The following A1BG variants were observed in gnomAD, a reference collection of about 807,000 sequenced individuals.
The protein encoded by A1BG is alpha-1B-glycoprotein.
Under a neutral mutation model 46.0 loss-of-function variants are expected in A1BG, and 44 were observed. The observed-to-expected ratio is 0.96, with a 90% CI of 0.75 to 1.23. The LOEUF is 1.23. Among genes scored for constraint, A1BG ranks in the 50% most tolerant of loss-of-function variants. A1BG has a pLI of 0.00. For missense variants in A1BG, 707 were observed against 688.8 expected (o/e 1.03, Z -0.30); for synonymous variants, 316 against 314.7 (o/e 1.00, Z -0.04).
rs371831204 is a variant in A1BG, at chr19:58,351,498, G to A, written c.803C>T (p.Ala268Val). 8.4e-5 allele frequency: 135 copies of A among 1,613,746 alleles called. No homozygotes were observed. The Middle Eastern group carries it at 1.6e-3, about 20-fold the overall frequency. The change falls in exon 5 of 8, where the codon GCG (alanine) becomes GTG (valine). Residue 268 changes from alanine (A) to valine (V), a missense_variant. By Grantham distance (64) the Ala-to-Val change is moderately conservative. Coordinates refer to ENST00000263100, the MANE Select transcript of A1BG (RefSeq NM_130786.4). ...SPDRIFFHLN[A>V]VALGDGGHYT... ...GTGACCTCCATCCCCCAGGGCCACC[G>A]CGTTCAGGTGAAAGAAGATGCGATC...
chr19:58,352,551 G>A lies in A1BG; in HGVS notation c.345C>T (p.Ser115=). The A allele has an allele frequency of 6.2e-7, 1 of 1,607,352 alleles. No individual in the cohort carries two copies. The highest frequency in any genetic ancestry group is 8.5e-7 in the Non-Finnish European group (1 of 1,179,464). The change falls in exon 4 of 8, where the codon TCC becomes TCT. Residue 115 remains serine, a synonymous_variant. Transcript: ENST00000263100. ...CCATCGAGAGCCAGGGAGCAGGCAAGGACTCTGTGGGTGGGGTGGAGTTGA... is the reference window on the plus strand; with the variant it reads ...CCATCGAGAGCCAGGGAGCAGGCAAAGACTCTGTGGGTGGGGTGGAGTTGA... ...SKLLELTGPK[S]LPAPWLSMAP... is the part of the protein sequence containing the mutation.
At chr19:58,347,079 C>A (rs1222894807) in intron 7 of A1BG, 50 bp from the exon 8 acceptor site, 2 of 1,608,278 alleles carry the variant, frequency 1.2e-6, no homozygotes, top group Middle Eastern at 1.7e-4. Flanking sequence ...AATCCTATGC[C>A]CTCCTCCTCG....
In A1BG at chr19:58,347,122, C is replaced by G. The variant is rs898248230; in HGVS notation, c.1481-93G>C. 1.4e-5 allele frequency: 22 copies of G among 1,520,698 alleles called. No individual in the cohort carries two copies. The East Asian group carries it at 4.8e-4, about 33-fold the overall frequency. The allele number at this position is 1,520,698 out of a possible 1,614,324, so 94.2% of individuals were successfully genotyped here. Reference sequence around the variant, plus strand: ...CAAGGCCGACCTCCCTGACGCCCCCCCGGAAGGAAGCGCGTGGTCGGCTGC... The same window carrying G: ...CAAGGCCGACCTCCCTGACGCCCCCGCGGAAGGAAGCGCGTGGTCGGCTGC... On this transcript the variant is annotated intron_variant, in intron 7 of 7. Transcript: ENST00000263100.
At position 58,346,872 on chromosome 19, in the gene A1BG, T is replaced by C. The variant is rs202132547; in HGVS notation, c.*150A>G. 2.2e-6 allele frequency: 2 copies of C among 890,986 alleles called. No individual in the cohort carries two copies. The highest frequency in any genetic ancestry group is 3.8e-6 in the Non-Finnish European group (2 of 523,934). The allele number at this position is 890,986 out of a possible 1,614,324, so 55.2% of individuals were successfully genotyped here. On this transcript the variant is annotated 3_prime_UTR_variant, in exon 8 of 8. Coordinates refer to ENST00000263100, the MANE Select transcript of A1BG (RefSeq NM_130786.4). Reference sequence around the variant, plus strand: ...AAAGACATTTTAAACAGAGCCTCTCTTCACATTTATTAATTCCTGGGAGGA... The same window carrying C: ...AAAGACATTTTAAACAGAGCCTCTCCTCACATTTATTAATTCCTGGGAGGA...
At position 58,350,406 on chromosome 19, in the gene A1BG, A is replaced by C; in HGVS notation, c.1156T>G (p.Ser386Ala). Residue 386 changes from serine (S) to alanine (A), a missense_variant, in exon 6 of 8, where the codon TCC becomes GCC. Physicochemically the swap from Ser to Ala is moderately conservative, Grantham distance 99. Coordinates refer to ENST00000263100, the MANE Select transcript of A1BG (RefSeq NM_130786.4). The part of the protein sequence containing the change: ...YVDLKPPFGG[S>A]APSERLELHV... ...AGCTCCAAGCGCTCGCTGGGCGCGG[A>C]GCCCCCGAAAGGCGGCTTCAGGTCC... The C allele has an allele frequency of 6.5e-7, 1 of 1,549,590 alleles. No homozygotes were observed. The highest frequency in any genetic ancestry group is 8.7e-7 in the Non-Finnish European group (1 of 1,146,478).
Position 58,345,756 on chromosome 19 carries a change from A to G in A1BG, c.*1266T>C, listed in dbSNP as rs1568551483. ...GGACACATCAGGCTTGAGAGAAGTG[A>G]CATCATCATAGACTGTGCAGACATT... On this transcript the variant is annotated 3_prime_UTR_variant, in exon 8 of 8. Transcript: ENST00000263100. 1 of 152,290 alleles carries G rather than the reference A, an allele frequency of 6.6e-6. No individual in the cohort carries two copies. Among genetic ancestry groups the G allele is most frequent in the African/African-American group, 2.4e-5 (1 of 41,472 alleles). The allele number at this position is 152,290 out of a possible 1,614,324, so 9.4% of individuals were successfully genotyped here.
At position 58,346,933 on chromosome 19, in the gene A1BG, G is replaced by T; in HGVS notation, c.*89C>A. 2 of 1,411,304 alleles carry T rather than the reference G, an allele frequency of 1.4e-6. No individual in the cohort carries two copies. Among genetic ancestry groups the T allele is most frequent in the Non-Finnish European group, 1.0e-6 (1 of 995,218 alleles). 87.4% of individuals were successfully genotyped at this position (1,411,304 alleles called of 1,614,324 possible). A position where few individuals can be genotyped will look rare whatever the true frequency, so the allele number is the denominator to read the frequency against. On this transcript the variant is annotated 3_prime_UTR_variant, in exon 8 of 8. Transcript: ENST00000263100. ...CTTCTCCAGCCCCCCAGAGACCCCG[G>T]CCTTGTGCTGCAACAGGAGGGGAGG...
chr19:58,351,800 T>TTC (rs2051962146), intron 4 of A1BG, 113 bp from the exon 5 acceptor site: 1 of 1,136,650 alleles, frequency 8.8e-7, no homozygotes, highest in East Asian at 2.6e-5. Flanking sequence ...CCATTCTTTT[T>TTC]TTTTTTTTTT....
At chr19:58,352,895 G>A (rs772529254) in intron 3 of A1BG, 33 bp downstream of exon 3, 3 of 1,590,630 alleles carry the variant, frequency 1.9e-6, no homozygotes, top group Admixed American at 3.4e-5. Flanking sequence ...CCTACCCACT[G>A]CCTCCTGGCC....
chr19:58,351,429 G>A lies in A1BG; in HGVS notation c.872C>T (p.Ser291Phe), dbSNP rs1292056353. The A allele has an allele frequency of 6.2e-7, 1 of 1,613,122 alleles. No homozygotes were observed. The highest frequency in any genetic ancestry group is 8.5e-7 in the Non-Finnish European group (1 of 1,180,014). The part of the protein sequence containing the change: ...YRLHDNQNGW[S>F]GDSAPVELIL... ...CAGCTCGACCGGCGCGCTGTCCCCG[G>A]ACCAGCCGTTTTGGTTGTCATGCAG... The change falls in exon 5 of 8, where the codon TCC becomes TTC. Residue 291 changes from serine to phenylalanine, a missense_variant. Coordinates refer to ENST00000263100, the MANE Select transcript of A1BG (RefSeq NM_130786.4).
chr19:58,352,690 G>T, intron 3 of A1BG, 135 bp from the exon 4 acceptor site: 2 of 1,275,418 alleles, frequency 1.6e-6, no homozygotes, highest in Non-Finnish European at 2.2e-6. Flanking sequence ...AGGCAGGCAG[G>T]CACCAGTGGA....
In A1BG at chr19:58,350,506, G is replaced by T; in HGVS notation, c.1056C>A (p.Pro352=). 1 of 1,555,346 alleles carries T rather than the reference G, an allele frequency of 6.4e-7. No individual in the cohort carries two copies. The highest frequency in any genetic ancestry group is 8.7e-7 in the Non-Finnish European group (1 of 1,150,052). The change falls in exon 6 of 8, where the codon CCC becomes CCA. Residue 352 remains proline (P), a synonymous_variant. Transcript: ENST00000263100. ...GGRRVHRFQS[P]AGTEALFELH... is the part of the protein sequence containing the mutation. The stretch of plus-strand genomic sequence containing the variant: ...GCTCGAAGAGCGCCTCGGTCCCAGC[G>T]GGGCTCTGGAAACGGTGCACGCGGC...
In A1BG at chr19:58,346,956, A is replaced by G. The variant is rs550459885; in HGVS notation, c.*66T>C. 431 of 1,581,322 alleles carry G rather than the reference A, an allele frequency of 2.7e-4. 6 individuals carry two copies. The South Asian group carries it at 4.1e-3, about 15-fold the overall frequency. On this transcript the variant is annotated 3_prime_UTR_variant, in exon 8 of 8. Coordinates refer to ENST00000263100, the MANE Select transcript of A1BG (RefSeq NM_130786.4). ...CGGCCTTGTGCTGCAACAGGAGGGG[A>G]GGGAGCCAGTCCAGAATCCCCGGCA...
At chr19:58,351,836 GC>G in intron 4 of A1BG, 149 bp from the exon 5 acceptor site, 1 of 821,822 alleles carries the variant, frequency 1.2e-6, no homozygotes, top group Non-Finnish European at 1.8e-6. Flanking sequence ...CGCTCTTGTT[GC>G]CCAGGCTGGA....
At position 58,350,419 on chromosome 19, in the gene A1BG, C is replaced by G. The variant is rs372420998; in HGVS notation, c.1143G>C (p.Pro381=). ...CGCTGGGCGCGGAGCCCCCGAAAGG[C>G]GGCTTCAGGTCCACGTAGACGCAGC... ...NYSCVYVDLK[P]PFGGSAPSER... Residue 381 remains proline (P), a synonymous_variant, in exon 6 of 8, where the codon CCG becomes CCC. Transcript: ENST00000263100. The G allele has an allele frequency of 6.4e-7, 1 of 1,550,408 alleles. No individual in the cohort carries two copies. The highest frequency in any genetic ancestry group is 2.0e-5 in the Admixed American group (1 of 51,088).
At chr19:58,347,148 C>A in intron 7 of A1BG, 119 bp from the exon 8 acceptor site, 1 of 1,401,418 alleles carries the variant, frequency 7.1e-7, no homozygotes, top group South Asian at 1.3e-5. Context: ...GGTCGGCTGC[C>A]AGCCGAGACC....
In A1BG at chr19:58,346,876, C is replaced by A; in HGVS notation, c.*146G>T. Reference sequence around the variant, plus strand: ...ACATTTTAAACAGAGCCTCTCTTCACATTTATTAATTCCTGGGAGGAATGA... The same window carrying A: ...ACATTTTAAACAGAGCCTCTCTTCAAATTTATTAATTCCTGGGAGGAATGA... On this transcript the variant is annotated 3_prime_UTR_variant, in exon 8 of 8. Transcript: ENST00000263100. 1.1e-6 allele frequency: 1 copy of A among 904,240 alleles called. No individual in the cohort carries two copies. Among genetic ancestry groups the A allele is most frequent in the Non-Finnish European group, 1.9e-6 (1 of 535,468 alleles). The allele number at this position is 904,240 out of a possible 1,614,324, so 56.0% of individuals were successfully genotyped here. A position where few individuals can be genotyped will look rare whatever the true frequency, so the allele number is the denominator to read the frequency against.
chr19:58,347,116 G>A (rs1038180318), intron 7 of A1BG, 87 bp from the exon 8 acceptor site: 17 of 1,528,112 alleles, frequency 1.1e-5, no homozygotes, highest in Admixed American at 5.4e-5. Context: ...CCTCCCTGAC[G>A]CCCCCCCGGA....
rs898406180 is a variant in A1BG, at chr19:58,346,710, C to T, written c.*312G>A. On this transcript the variant is annotated 3_prime_UTR_variant, in exon 8 of 8. Transcript: ENST00000263100. ...CTCCAGCCTGGGTGACAGTGTGAGA[C>T]CCTGTCTCAAAAAAGAAAAAAGAAA... 5 of 449,692 alleles carry T rather than the reference C, an allele frequency of 1.1e-5. No homozygotes were observed. The highest frequency in any genetic ancestry group is 2.0e-5 in the Non-Finnish European group (5 of 245,300). 27.9% of individuals were successfully genotyped at this position (449,692 alleles called of 1,614,324 possible). A position where few individuals can be genotyped will look rare whatever the true frequency, so the allele number is the denominator to read the frequency against.
Sources: gnomAD v4.1 joint callset for allele counts on GRCh38, gnomAD v4.1.1 for gene constraint, MANE v1.5 for transcripts, NCBI Gene and HGNC (gene_info 2026-07-23, HGNC 2026-07-21) for gene names.